PCDHA12: variants seen among roughly 807,000 people sequenced by gnomAD.
The protein encoded by PCDHA12 is protocadherin alpha-12.
PCDHA12 carries 44 observed loss-of-function variants against 60.0 expected under a neutral mutation model. The observed-to-expected ratio is 0.73, with a 90% CI of 0.58 to 0.94. The LOEUF (loss-of-function observed/expected upper bound fraction) is 0.94. PCDHA12 is among the 40% of genes least tolerant of loss of function. The probability of loss-of-function intolerance (pLI) is 0.00; values close to 1 mark genes in which losing one functional copy is unlikely to be tolerated. For synonymous variants in PCDHA12, 569 were observed against 553.0 expected, an observed-to-expected ratio of 1.03 and a Z score of -0.40; for missense variants, 1,276 against 1,239.7, an observed-to-expected ratio of 1.03 and a Z score of -0.44.
At chr5:140,948,979 G>T (rs2094330965) in intron 1 of PCDHA12, among the ~76,000 whole-genome samples, 1 of 151,514 alleles carries the variant, frequency 6.6e-6, no homozygotes, top group South Asian at 2.1e-4. Flanking sequence ...AGTATGAACT[G>T]CTTTATTTGC....
Position 140,886,416 on chromosome 5 carries a change from A to T in PCDHA12, c.2367+8577A>T, listed in dbSNP as rs184712902. Among the ~76,000 whole-genome samples, 13 of 152,286 alleles carry T rather than the reference A, an allele frequency of 8.5e-5. No homozygotes were observed. The East Asian group carries it at 2.5e-3, about 29-fold the overall frequency. ...TGCATCACAAATATGTTTTCCTCCT[A>T]TATTATTTCTATTCATTTGTTTGTA... is the stretch of plus-strand genomic sequence containing the variant. On this transcript the variant is annotated intron_variant, in intron 1 of 3. Transcript: ENST00000398631.
intron 3 of PCDHA12, among the ~76,000 whole-genome samples, chr5:141,003,377 T>C (rs2098121331): frequency 6.6e-6 from 1 of 152,180 alleles, no homozygotes; most frequent in African/African-American, 2.4e-5. Context: ...AGTGGTGCAA[T>C]CTCAGCTCAC....
chr5:141,009,923 A>T lies in PCDHA12; in HGVS notation c.2812A>T (p.Asn938Tyr), dbSNP rs1463725058. The change falls in exon 4 of 4, where the codon AAC becomes TAC. Residue 938 changes from asparagine (N) to tyrosine (Y), a missense_variant. By Grantham distance (143) the Asn-to-Tyr change is moderately radical. Coordinates refer to ENST00000398631, the MANE Select transcript of PCDHA12 (RefSeq NM_018903.4). ...KKEKGNSTTD[N>Y]SDQ ...AGAGAAAGGGAACAGCACGACTGAC[A>T]ACAGTGACCAGTGAGGTCCTCAAAT... 6.2e-7 allele frequency: 1 copy of T among 1,608,790 alleles called. No homozygotes were observed. The highest frequency in any genetic ancestry group is 8.5e-7 in the Non-Finnish European group (1 of 1,178,528).
At chr5:140,883,211 T>C in intron 1 of PCDHA12, 1 of 1,613,738 alleles carries the variant, frequency 6.2e-7, no homozygotes, top group Non-Finnish European at 8.5e-7. Context: ...AGAAAAGAAA[T>C]TATATGAAAT....
chr5:140,927,839 G>T (rs782594719), intron 1 of PCDHA12: 1 of 1,614,208 alleles, frequency 6.2e-7, no homozygotes, highest in South Asian at 1.1e-5. Context: ...AGGGACGAAG[G>T]TGTCTTTGGT....
rs898079440 is a variant in PCDHA12, at chr5:140,897,263, A to T, written c.2367+19424A>T. Among the ~76,000 whole-genome samples, 4 of 151,888 alleles carry T rather than the reference A, an allele frequency of 2.6e-5. No individual in the cohort carries two copies. The South Asian group carries it at 6.2e-4, about 24-fold the overall frequency. On this transcript the variant is annotated intron_variant, in intron 1 of 3. Transcript: ENST00000398631. Reference sequence around the variant, plus strand: ...TTAGTTACATATGTATACATGTGCCATGCTGGTGTGCTGCACCCATTAACT... The same window carrying T: ...TTAGTTACATATGTATACATGTGCCTTGCTGGTGTGCTGCACCCATTAACT...
intron 1 of PCDHA12, among the ~76,000 whole-genome samples, chr5:140,959,052 A>C (rs992294371): frequency 3.3e-5 from 5 of 152,078 alleles, no homozygotes; most frequent in Admixed American, 6.6e-5. Context: ...ATAGGAAAAA[A>C]TGCAGTATAT....
intron 1 of PCDHA12, among the ~76,000 whole-genome samples, chr5:140,936,335 A>G (rs1278918836): frequency 2.0e-5 from 3 of 152,176 alleles, no homozygotes; most frequent in South Asian, 2.1e-4. Context: ...AATTTTCTCT[A>G]TCTGCATATA....
chr5:140,876,256 A>T lies in PCDHA12; in HGVS notation c.784A>T (p.Ile262Phe). ...AAATGTCCAAAACGACACAAGAGTGATCCAACTAAATGCTTCCGATCCAGA... is the reference window on the plus strand; with the variant it reads ...AAATGTCCAAAACGACACAAGAGTGTTCCAACTAAATGCTTCCGATCCAGA... ...SENVQNDTRV[I>F]QLNASDPDEG... The change falls in exon 1 of 4, where the codon ATC (isoleucine) becomes TTC (phenylalanine). Residue 262 changes from isoleucine to phenylalanine, a missense_variant. Ile to Phe is a conservative substitution (Grantham distance 21, BLOSUM62 0). Transcript: ENST00000398631. 1.9e-6 allele frequency: 3 copies of T among 1,614,042 alleles called. No homozygotes were observed. The highest frequency in any genetic ancestry group is 2.5e-6 in the Non-Finnish European group (3 of 1,179,898).
intron 1 of PCDHA12, chr5:140,929,236 A>C (rs782440521): frequency 3.1e-6 from 5 of 1,613,890 alleles, no homozygotes; most frequent in Non-Finnish European, 3.4e-6. Flanking sequence ...CGACCTGCGA[A>C]ATCTTGCCAC....
Position 140,877,293 on chromosome 5 carries a change from G to C in PCDHA12, c.1821G>C (p.Leu607=), listed in dbSNP as rs782717737. The C allele has an allele frequency of 1.2e-6, 2 of 1,613,936 alleles. No individual in the cohort carries two copies. The highest frequency in any genetic ancestry group is 1.7e-6 in the Non-Finnish European group (2 of 1,179,860). ...VDADSGYNAW[L]SYELQPAAVG... ...CTGACTCCGGCTATAACGCTTGGCT[G>C]TCCTACGAGTTGCAACCGGCGGCGG... Residue 607 remains leucine, a synonymous_variant, in exon 1 of 4, where the codon CTG becomes CTC. Transcript: ENST00000398631.
chr5:140,991,837 C>T (rs1379982421), intron 3 of PCDHA12, among the ~76,000 whole-genome samples: 3 of 152,158 alleles, frequency 2.0e-5, no homozygotes, highest in African/African-American at 7.2e-5. Context: ...ACGGCAGAAC[C>T]GCACTTCCAG....
At chr5:140,883,384 CAG>C (rs1554177987) in intron 1 of PCDHA12, 2 of 1,614,072 alleles carry the variant, frequency 1.2e-6, no homozygotes, top group African/African-American at 2.7e-5. Context: ...TTGCCCTAAT[CAG>C]TGTGTCCGAT....
At chr5:140,945,393 T>G (rs2153669728) in intron 1 of PCDHA12, among the ~76,000 whole-genome samples, 1 of 152,208 alleles carries the variant, frequency 6.6e-6, no homozygotes, top group East Asian at 1.9e-4. Flanking sequence ...AATATACAAA[T>G]TCAATACAAT....
intron 1 of PCDHA12, chr5:140,968,827 C>T (rs1398985109): frequency 1.2e-6 from 2 of 1,614,094 alleles, no homozygotes; most frequent in Non-Finnish European, 1.7e-6. Context: ...TTTCCAAAAT[C>T]CTCCCTGACA....
At chr5:140,927,281 A>G (rs1554204297) in intron 1 of PCDHA12, 1 of 1,614,172 alleles carries the variant, frequency 6.2e-7, no homozygotes, top group Non-Finnish European at 8.5e-7. Flanking sequence ...GGCGACGTGC[A>G]GCTGCACATC....
chr5:141,002,141 A>G (rs1554258528), intron 3 of PCDHA12, among the ~76,000 whole-genome samples: 3 of 152,258 alleles, frequency 2.0e-5, no homozygotes, highest in Admixed American at 6.5e-5. Context: ...TGCCGGCTGC[A>G]CTGACTTAGC....
At chr5:140,968,904 G>A (rs1554231223) in intron 1 of PCDHA12, 1 of 1,614,058 alleles carries the variant, frequency 6.2e-7, no homozygotes, top group Non-Finnish European at 8.5e-7. Flanking sequence ...ATAGCATTAA[G>A]CACAGTGTCT....
At chr5:140,920,959 T>G (rs2079949518) in intron 1 of PCDHA12, among the ~76,000 whole-genome samples, 1 of 152,072 alleles carries the variant, frequency 6.6e-6, no homozygotes, top group Non-Finnish European at 1.5e-5. Flanking sequence ...ACTACACATG[T>G]AGTACTAGAG....
Sources: allele counts gnomAD v4.1 joint callset (sites outside exome capture counted in the v4.1 genomes callset), GRCh38; gene constraint gnomAD v4.1.1; transcripts MANE v1.5; gene names NCBI Gene and HGNC (gene_info 2026-07-23, HGNC 2026-07-21).